COL11A1: variants seen among roughly 807,000 people sequenced by gnomAD.
The protein encoded by COL11A1 is collagen alpha-1(XI) chain.
In COL11A1, 74 loss-of-function variants were observed where a neutral mutation model predicts 265.2. The ratio of observed to expected loss-of-function variants is 0.28; its 90% CI spans 0.23 to 0.34. COL11A1 has a LOEUF of 0.34. COL11A1 is among the 10% of genes least tolerant of loss of function. The pLI is 1.00. For synonymous variants in COL11A1, 816 were observed against 727.6 expected (o/e 1.12, Z -1.96); for missense variants, 2,165 against 2,263.6 (o/e 0.96, Z 0.88).
chr1:102,992,754 T>A (rs1664263108), intron 28 of COL11A1, among the ~76,000 whole-genome samples: 1 of 152,072 alleles, frequency 6.6e-6, no homozygotes. Flanking sequence ...GAAAAATACC[T>A]TTAAATTTTT....
chr1:102,946,184 G>C (rs1570818265), intron 42 of COL11A1, among the ~76,000 whole-genome samples: 2 of 113,924 alleles, frequency 1.8e-5, no homozygotes, highest in African/African-American at 6.7e-5. Context: ...TTGTGGGGTG[G>C]GGGGAGGGGG....
intron 4 of COL11A1, among the ~76,000 whole-genome samples, chr1:103,069,048 T>C (rs550816888): frequency 6.6e-6 from 1 of 151,840 alleles, no homozygotes; most frequent in South Asian, 2.1e-4. Flanking sequence ...CAACTTCTTG[T>C]AGAAGTTAAT....
intron 4 of COL11A1, among the ~76,000 whole-genome samples, chr1:103,036,967 T>C (rs1351850504): frequency 6.6e-6 from 1 of 152,044 alleles, no homozygotes; most frequent in Non-Finnish European, 1.5e-5. Context: ...AAATAGAAAC[T>C]GTCTACACAG....
intron 41 of COL11A1, among the ~76,000 whole-genome samples, chr1:102,953,195 T>C (rs950076597): frequency 5.3e-5 from 8 of 152,238 alleles, no homozygotes; most frequent in African/African-American, 1.9e-4. Context: ...TGATTGTCTT[T>C]AAGCATAGGT....
intron 1 of COL11A1, among the ~76,000 whole-genome samples, chr1:103,085,897 C>T (rs973370035): frequency 6.6e-6 from 1 of 152,056 alleles, no homozygotes; most frequent in South Asian, 2.1e-4. Flanking sequence ...GGGATTAACC[C>T]TCACAAACCA....
At chr1:103,016,752 T>A (rs1482061317) in intron 11 of COL11A1, among the ~76,000 whole-genome samples, 1 of 152,022 alleles carries the variant, frequency 6.6e-6, no homozygotes, top group African/African-American at 2.4e-5. Flanking sequence ...ATTATTTCAA[T>A]AGATTCTGTA....
chr1:103,014,120 A>G (rs1283751672), intron 13 of COL11A1, among the ~76,000 whole-genome samples: 1 of 152,094 alleles, frequency 6.6e-6, no homozygotes, highest in African/African-American at 2.4e-5. Context: ...TTAAGAACAA[A>G]TGTATTTCAA....
At chr1:102,938,390 A>T (rs199697366) in intron 44 of COL11A1, among the ~76,000 whole-genome samples, 2 of 29,246 alleles carry the variant, frequency 6.8e-5, no homozygotes, top group South Asian at 2.3e-3. Context: ...GGAAAAAAAA[A>T]TTAAAAAAAA....
At position 102,920,368 on chromosome 1, in the gene COL11A1, C is replaced by A. The variant is rs764769652; in HGVS notation, c.3709-4G>T. ...ACCCTGGGGGTCCTTGTGGTCCCTG[C>A]AGTGTAGAAAAAGGAATGTAATTAT... is the stretch of plus-strand genomic sequence containing the variant. On this transcript the variant is annotated splice_polypyrimidine_tract_variant and splice_region_variant and intron_variant, in intron 48 of 66. Transcript: ENST00000370096. 1 of 1,612,304 alleles carries A rather than the reference C, an allele frequency of 6.2e-7. No individual in the cohort carries two copies.
intron 4 of COL11A1, among the ~76,000 whole-genome samples, chr1:103,056,406 T>A (rs1439024044): frequency 1.3e-5 from 2 of 152,188 alleles, no homozygotes; most frequent in South Asian, 2.1e-4. Flanking sequence ...ATTTATGTTA[T>A]GTGAGAGAGA....
Position 102,940,309 on chromosome 1 carries a change from C to T in COL11A1, c.3384+18G>A, listed in dbSNP as rs200425985. The T allele has an allele frequency of 1.1e-3, 1,783 of 1,594,660 alleles. 3 individuals carry two copies. The highest frequency in any genetic ancestry group is 1.4e-3 in the Non-Finnish European group (1,672 of 1,162,432). ...AGCTTTTTCACAGGATCTACTAACA[C>T]GAATAATGAATACCAACCTTGTCTC... On this transcript the variant is annotated intron_variant, in intron 43 of 66. Transcript: ENST00000370096.
chr1:102,890,564 T>C (rs1651637762), intron 57 of COL11A1, 60 bp from the exon 58 acceptor site: 2 of 1,382,500 alleles, frequency 1.4e-6, no homozygotes, highest in South Asian at 1.3e-5. Context: ...AATTAGAGAA[T>C]CCTATAACTA....
intron 47 of COL11A1, 113 bp downstream of exon 47, chr1:102,923,223 A>G (rs1376366511): frequency 2.3e-6 from 2 of 880,196 alleles, no homozygotes; most frequent in Admixed American, 2.1e-5. Context: ...TCAGTTGCTT[A>G]TATACACCTC....
At chr1:103,097,231 GA>G (rs751497246) in intron 1 of COL11A1, among the ~76,000 whole-genome samples, 1 of 151,948 alleles carries the variant, frequency 6.6e-6, no homozygotes, top group African/African-American at 2.4e-5. Flanking sequence ...ATGCTATGCA[GA>G]AAAATCTATC....
intron 28 of COL11A1, among the ~76,000 whole-genome samples, chr1:102,991,600 G>T (rs1870958): frequency 0.82 from 124,116 of 152,004 alleles, 52,445 homozygotes; most frequent in East Asian, 0.93. Flanking sequence ...CTAAATGGCC[G>T]AACACAAGAA....
intron 2 of COL11A1, among the ~76,000 whole-genome samples, chr1:103,081,665 T>C (rs1672422794): frequency 6.6e-6 from 1 of 151,906 alleles, no homozygotes; most frequent in African/African-American, 2.4e-5. Flanking sequence ...TTTTGTAATG[T>C]TTTAATCCCT....
intron 54 of COL11A1, among the ~76,000 whole-genome samples, chr1:102,899,316 TTA>T (rs1213939277): frequency 6.6e-6 from 1 of 152,130 alleles, no homozygotes; most frequent in East Asian, 1.9e-4. Flanking sequence ...GATATATCAT[TTA>T]TGTTTATTAT....
intron 41 of COL11A1, among the ~76,000 whole-genome samples, chr1:102,960,900 G>T (rs552125498): frequency 6.6e-6 from 1 of 152,168 alleles, no homozygotes; most frequent in African/African-American, 2.4e-5. Flanking sequence ...GTATTCTATA[G>T]GTGAAACTGA....
chr1:102,973,921 A>C (rs1662212844), intron 36 of COL11A1, among the ~76,000 whole-genome samples: 1 of 152,330 alleles, frequency 6.6e-6, no homozygotes, highest in South Asian at 2.1e-4. Context: ...TGCACATTAA[A>C]GTATGGGTAG....
Sources: allele counts gnomAD v4.1 joint callset (sites outside exome capture counted in the v4.1 genomes callset), GRCh38; gene constraint gnomAD v4.1.1; transcripts MANE v1.5; gene names NCBI Gene and HGNC (gene_info 2026-07-23, HGNC 2026-07-21).